SAMSN1: variants seen among roughly 807,000 people sequenced by gnomAD.
SAMSN1 encodes SAM domain, SH3 domain and nuclear localization signals 1.
SAMSN1 carries 31 observed loss-of-function variants against 42.0 expected under a neutral mutation model. That is an observed-to-expected ratio of 0.74 (90% CI 0.55 to 1.00). SAMSN1 has a LOEUF of 1.00. SAMSN1 is among the 50% of genes least tolerant of loss of function. The pLI is 0.00. For missense variants in SAMSN1, 464 were observed against 439.4 expected, an observed-to-expected ratio of 1.06 and a Z score of -0.50; for synonymous variants, 178 against 151.9, an observed-to-expected ratio of 1.17 and a Z score of -1.26.
chr21:14,657,633 A>G (rs1983938030), intron 1 of SAMSN1, among the ~76,000 whole-genome samples: 1 of 151,876 alleles, frequency 6.6e-6, no homozygotes, highest in Non-Finnish European at 1.5e-5. Context: ...TAAACCACAT[A>G]TAGCTCTTTT....
chr21:14,582,139 T>C (rs1981752195), exon 2 of SAMSN1: 2 of 1,541,806 alleles, frequency 1.3e-6, no homozygotes, highest in South Asian at 2.4e-5. Flanking sequence ...AACTTACCCA[T>C]GAATGTAGGA....
intron 4 of SAMSN1, among the ~76,000 whole-genome samples, chr21:14,512,219 C>G (rs1039726689): frequency 6.6e-6 from 1 of 152,072 alleles, no homozygotes; most frequent in Admixed American, 6.6e-5. Flanking sequence ...CCGAGGAGCC[C>G]CGTTGACTAC....
In SAMSN1 at chr21:14,577,244, A is replaced by G. The variant is rs1310963461; in HGVS notation, c.261+4892T>C. Among the ~76,000 whole-genome samples, 63 of 24,894 alleles carry G rather than the reference A, an allele frequency of 2.5e-3. 2 individuals are homozygous for G. The highest frequency in any genetic ancestry group is 0.012 in the South Asian group (8 of 656). The allele number at this position is 24,894 out of a possible 152,430, so 16.3% of individuals were successfully genotyped here. On this transcript the variant is annotated intron_variant, in intron 2 of 8. Coordinates refer to the SAMSN1 transcript ENST00000285670. Reference sequence around the variant, plus strand: ...CTAATTTATATATATGTGTGTATATATATATATATATATATATATATATAT... The same window carrying G: ...CTAATTTATATATATGTGTGTATATGTATATATATATATATATATATATAT...
intron 5 of SAMSN1, among the ~76,000 whole-genome samples, chr21:14,502,625 A>G (rs1179417580): frequency 1.3e-5 from 2 of 152,192 alleles, no homozygotes; most frequent in African/African-American, 2.4e-5. Flanking sequence ...ATTGTACGGA[A>G]GTTGAAAGAC....
At chr21:14,568,683 C>T (rs542186086) in intron 2 of SAMSN1, among the ~76,000 whole-genome samples, 22 of 152,154 alleles carry the variant, frequency 1.4e-4, no homozygotes, top group Admixed American at 2.6e-4. Flanking sequence ...AGAATCTTCA[C>T]AAATGAAGAA....
chr21:14,498,365 G>C (rs1269256481), intron 7 of SAMSN1, 77 bp downstream of exon 7: 3 of 1,247,090 alleles, frequency 2.4e-6, no homozygotes, highest in East Asian at 5.3e-5. Flanking sequence ...ATAAAACTGG[G>C]GCTTTGTTTC....
intron 2 of SAMSN1, among the ~76,000 whole-genome samples, chr21:14,629,859 C>G (rs764480710): frequency 6.6e-6 from 1 of 152,082 alleles, no homozygotes; most frequent in African/African-American, 2.4e-5. Flanking sequence ...ATAAAAGATT[C>G]CTCCTTTGCA....
chr21:14,511,806 GA>G (rs1452400314), intron 4 of SAMSN1, among the ~76,000 whole-genome samples: 1 of 152,170 alleles, frequency 6.6e-6, no homozygotes, highest in East Asian at 1.9e-4. Context: ...ATCTTCATTA[GA>G]AAATCCTTGT....
intron 2 of SAMSN1, among the ~76,000 whole-genome samples, chr21:14,561,791 T>G (rs555143071): frequency 7.2e-5 from 11 of 152,264 alleles, no homozygotes; most frequent in Admixed American, 5.2e-4. Flanking sequence ...GACACCCACA[T>G]GCACAAAGGG....
chr21:14,602,114 A>G, intron 5 of SAMSN1: 1 of 641,418 alleles, frequency 1.6e-6, no homozygotes, highest in South Asian at 1.8e-5. Context: ...GAAAAGAGAT[A>G]ACTGTTACAT....
chr21:14,541,510 T>C (rs562816281), intron 1 of SAMSN1, among the ~76,000 whole-genome samples: 1 of 152,216 alleles, frequency 6.6e-6, no homozygotes, highest in African/African-American at 2.4e-5. Flanking sequence ...TTGTGATTTT[T>C]TGTGGTTTTT....
intron 1 of SAMSN1, among the ~76,000 whole-genome samples, chr21:14,582,714 A>G (rs1453775309): frequency 6.6e-6 from 1 of 152,168 alleles, no homozygotes; most frequent in Non-Finnish European, 1.5e-5. Flanking sequence ...TTTTGAAACC[A>G]TAACAATTGA....
chr21:14,597,427 A>G (rs1982302833), intron 6 of SAMSN1, among the ~76,000 whole-genome samples: 1 of 152,136 alleles, frequency 6.6e-6, no homozygotes, highest in Non-Finnish European at 1.5e-5. Flanking sequence ...TCCAATTTTC[A>G]TCTTAAGGAC....
At chr21:14,609,442 G>A (rs1304479706) in intron 5 of SAMSN1, 2 of 716,746 alleles carry the variant, frequency 2.8e-6, no homozygotes, top group Non-Finnish European at 5.2e-6. Flanking sequence ...AAACTACTTT[G>A]GGAAAATGCA....
chr21:14,503,043 G>A (rs1365670755), intron 5 of SAMSN1, among the ~76,000 whole-genome samples: 1 of 152,092 alleles, frequency 6.6e-6, no homozygotes, highest in East Asian at 1.9e-4. Context: ...TTCTCTTTGT[G>A]CTATTGTAAC....
chr21:14,578,477 G>T (rs1981579241), intron 2 of SAMSN1, among the ~76,000 whole-genome samples: 1 of 151,920 alleles, frequency 6.6e-6, no homozygotes. Flanking sequence ...AAGGTCAGGA[G>T]TTCAAGACCA....
At chr21:14,535,595 T>C (rs1167998438) in intron 1 of SAMSN1, among the ~76,000 whole-genome samples, 1 of 152,170 alleles carries the variant, frequency 6.6e-6, no homozygotes, top group African/African-American at 2.4e-5. Flanking sequence ...TGTATTTGGA[T>C]ATAAAGCCTT....
At chr21:14,647,916 A>C (rs1389691290) in intron 1 of SAMSN1, among the ~76,000 whole-genome samples, 2 of 151,686 alleles carry the variant, frequency 1.3e-5, no homozygotes, top group Non-Finnish European at 2.9e-5. Context: ...TAGATATACA[A>C]TCATGTCGTC....
At chr21:14,651,757 T>TG (rs538639415) in intron 1 of SAMSN1, among the ~76,000 whole-genome samples, 1 of 152,160 alleles carries the variant, frequency 6.6e-6, no homozygotes, top group East Asian at 1.9e-4. Context: ...GCAGATGATA[T>TG]GATATGATTT....
Sources: allele counts gnomAD v4.1 joint callset (sites outside exome capture counted in the v4.1 genomes callset), GRCh38; gene constraint gnomAD v4.1.1; transcripts MANE v1.5; gene names NCBI Gene and HGNC (gene_info 2026-07-23, HGNC 2026-07-21).